PTPRD: variants seen among roughly 807,000 people sequenced by gnomAD.
PTPRD encodes receptor-type tyrosine-protein phosphatase delta.
In PTPRD, 34 loss-of-function variants were observed where a neutral mutation model predicts 214.5. The ratio of observed to expected loss-of-function variants is 0.16; its 90% confidence interval spans 0.12 to 0.21. The LOEUF (loss-of-function observed/expected upper bound fraction) is 0.21. Among genes scored for constraint, PTPRD ranks in the 10% least tolerant of loss-of-function variants. PTPRD has a pLI of 1.00. For missense variants in PTPRD, 2,545 were observed against 2,398.7 expected, an observed-to-expected ratio of 1.06 and a Z score of -1.27; for synonymous variants, 1,128 against 845.7, an observed-to-expected ratio of 1.33 and a Z score of -5.79.
At chr9:8,703,630 C>T (rs1367306940) in intron 12 of PTPRD, among the ~76,000 whole-genome samples, 2 of 152,154 alleles carry the variant, frequency 1.3e-5, no homozygotes, top group Admixed American at 1.3e-4. Context: ...CTCATCCTCA[C>T]CTCTATTAAT....
chr9:10,548,749 T>C (rs2060686214), intron 2 of PTPRD, among the ~76,000 whole-genome samples: 1 of 892 alleles, frequency 1.1e-3, no homozygotes, highest in East Asian at 0.015. Flanking sequence ...AGCAACATCT[T>C]AGAATGCTGG....
intron 2 of PTPRD, among the ~76,000 whole-genome samples, chr9:10,457,167 A>C (rs2098924442): frequency 6.6e-6 from 1 of 151,988 alleles, no homozygotes; most frequent in East Asian, 1.9e-4. Context: ...GAGTTTCAGT[A>C]ACAGTTTATT....
At chr9:9,793,193 A>G (rs1340761509) in intron 5 of PTPRD, among the ~76,000 whole-genome samples, 1 of 152,126 alleles carries the variant, frequency 6.6e-6, no homozygotes, top group Non-Finnish European at 1.5e-5. Flanking sequence ...ATTCACAAAA[A>G]TTGCTATTAT....
chr9:10,465,490 A>G (rs569443352), intron 2 of PTPRD, among the ~76,000 whole-genome samples: 21 of 152,298 alleles, frequency 1.4e-4, no homozygotes, highest in African/African-American at 4.8e-4. Context: ...CATGTGCCAC[A>G]TGACATTTCA....
chr9:9,291,455 C>T (rs113474079), intron 9 of PTPRD, among the ~76,000 whole-genome samples: 31 of 151,494 alleles, frequency 2.0e-4, no homozygotes, highest in African/African-American at 6.8e-4. Flanking sequence ...TGCAAAACAT[C>T]TTAACCTTTA....
At chr9:10,407,498 T>A (rs2098383208) in intron 2 of PTPRD, among the ~76,000 whole-genome samples, 1 of 151,564 alleles carries the variant, frequency 6.6e-6, no homozygotes, top group East Asian at 2.0e-4. Flanking sequence ...GCTAGCACCA[T>A]TCCTAATAGA....
intron 11 of PTPRD, among the ~76,000 whole-genome samples, chr9:8,770,182 G>C (rs2095094018): frequency 6.6e-6 from 1 of 152,092 alleles, no homozygotes. Flanking sequence ...TCGGGGGGCT[G>C]AGGCAGAGAG....
At chr9:8,614,627 T>C (rs1424078139) in intron 14 of PTPRD, among the ~76,000 whole-genome samples, 1 of 152,140 alleles carries the variant, frequency 6.6e-6, no homozygotes, top group Non-Finnish European at 1.5e-5. Flanking sequence ...CAAAGATAAC[T>C]ACTACAAAGG....
intron 9 of PTPRD, among the ~76,000 whole-genome samples, chr9:9,208,294 G>C (rs540922136): frequency 6.6e-6 from 1 of 151,608 alleles, no homozygotes; most frequent in Non-Finnish European, 1.5e-5. Flanking sequence ...GATTACAGGC[G>C]TGAGCCACCA....
intron 21 of PTPRD, among the ~76,000 whole-genome samples, chr9:8,515,677 G>T (rs544441460): frequency 6.6e-6 from 1 of 152,168 alleles, no homozygotes; most frequent in Non-Finnish European, 1.5e-5. Context: ...TCATGGTACA[G>T]CAAAGATTGC....
chr9:9,825,849 T>C (rs1020343277), intron 5 of PTPRD, among the ~76,000 whole-genome samples: 1 of 151,810 alleles, frequency 6.6e-6, no homozygotes, highest in Non-Finnish European at 1.5e-5. Context: ...TTCCTTTTAT[T>C]AGTCAATTTA....
intron 9 of PTPRD, among the ~76,000 whole-genome samples, chr9:9,328,185 A>C (rs978585629): frequency 6.6e-6 from 1 of 152,174 alleles, no homozygotes; most frequent in Admixed American, 6.5e-5. Flanking sequence ...TGAGTTTTTA[A>C]CACTTATATT....
At chr9:8,511,479 T>C (rs540202385) in intron 21 of PTPRD, among the ~76,000 whole-genome samples, 1 of 152,278 alleles carries the variant, frequency 6.6e-6, no homozygotes, top group Non-Finnish European at 1.5e-5. Flanking sequence ...ATGTATATCT[T>C]ATTTTATTTT....
At chr9:9,698,269 G>A (rs1476916869) in intron 7 of PTPRD, among the ~76,000 whole-genome samples, 1 of 151,996 alleles carries the variant, frequency 6.6e-6, no homozygotes. Flanking sequence ...TTTCTGGGTT[G>A]GTGTTTTTAC....
At chr9:9,584,916 C>G (rs1360292612) in intron 7 of PTPRD, among the ~76,000 whole-genome samples, 1 of 151,840 alleles carries the variant, frequency 6.6e-6, no homozygotes, top group Non-Finnish European at 1.5e-5. Context: ...TTTTTTCACC[C>G]AAAAAATTCT....
chr9:9,931,269 G>A (rs529486117), intron 5 of PTPRD, among the ~76,000 whole-genome samples: 1 of 152,310 alleles, frequency 6.6e-6, no homozygotes, highest in East Asian at 1.9e-4. Context: ...CTCCCAGCGT[G>A]AGCGACGCAG....
chr9:9,937,590 A>C (rs1426354955), intron 5 of PTPRD, among the ~76,000 whole-genome samples: 1 of 152,150 alleles, frequency 6.6e-6, no homozygotes, highest in Non-Finnish European at 1.5e-5. Context: ...AAGATACAGA[A>C]TTGCTATGGA....
intron 11 of PTPRD, among the ~76,000 whole-genome samples, chr9:8,895,856 A>C (rs575747707): frequency 1.2e-4 from 19 of 152,324 alleles, no homozygotes; most frequent in African/African-American, 4.3e-4. Flanking sequence ...TTCACATTAA[A>C]GTTGGGCATT....
chr9:9,266,850 GA>G (rs111898017), intron 9 of PTPRD, among the ~76,000 whole-genome samples: 4,262 of 146,392 alleles, frequency 0.029, 202 homozygotes, highest in African/African-American at 0.1. Context: ...CCTAAATGGA[GA>G]AAAAAAAAAT....
Sources: allele counts gnomAD v4.1 joint callset (sites outside exome capture counted in the v4.1 genomes callset), GRCh38; gene constraint gnomAD v4.1.1; transcripts MANE v1.5; gene names NCBI Gene and HGNC (gene_info 2026-07-23, HGNC 2026-07-21).